Variants in LMO3 observed in about 807,000 individuals in gnomAD.
LMO3 encodes LIM domain only 3, also known as LIM domain only protein 3.
LMO3 carries 2 observed loss-of-function variants against 15.8 expected under a neutral mutation model. The observed-to-expected ratio is 0.13, with a 90% confidence interval of 0.05 to 0.40. The LOEUF is 0.40. LMO3 is among the 10% of genes least tolerant of loss of function. The probability of loss-of-function intolerance (pLI) is 0.99; values close to 1 mark genes in which losing one functional copy is unlikely to be tolerated. For synonymous variants in LMO3, 62 were observed against 63.8 expected (o/e 0.97, Z 0.13); for missense variants, 86 against 182.2 (o/e 0.47, Z 3.04).
chr12:16,554,147 T>TGA (rs1474187416), intron 3 of LMO3, among the ~76,000 whole-genome samples: 16 of 152,212 alleles, frequency 1.1e-4, no homozygotes, highest in Admixed American at 7.8e-4. Context: ...TGACTTCATA[T>TGA]AGTCTTAGAG....
In LMO3 at chr12:16,598,471, C is replaced by T. The variant is rs1943725192; in HGVS notation, c.206+2184G>A. ...GACCAATTTAAGCGGAAATCGTACT[C>T]TGAGAAATGAATATATTGGCAATCA... On this transcript the variant is annotated intron_variant, in intron 2 of 3. Transcript: ENST00000537304. The surrounding 1 kb of genome is among the most constrained non-coding windows in gnomAD (Gnocchi z 4.3). The T allele has an allele frequency of 6.6e-6, 1 of 152,016 alleles. No homozygotes were observed. The highest frequency in any genetic ancestry group is 2.4e-5 in the African/African-American group (1 of 41,394). 9.4% of individuals were successfully genotyped at this position (152,016 alleles called of 1,614,324 possible).
intron 3 of LMO3, among the ~76,000 whole-genome samples, chr12:16,554,570 C>T (rs1356088686): frequency 6.6e-6 from 1 of 152,190 alleles, no homozygotes; most frequent in Non-Finnish European, 1.5e-5. Context: ...CTGCTAACAA[C>T]CCTTAGTGTA....
intron 2 of LMO3, among the ~76,000 whole-genome samples, chr12:16,568,732 T>G (rs1257603898): frequency 6.6e-6 from 1 of 152,258 alleles, no homozygotes; most frequent in Non-Finnish European, 1.5e-5. Context: ...CTACTTTGGC[T>G]ACTAGAAATA....
At chr12:16,568,851 T>C (rs1490609683) in intron 2 of LMO3, among the ~76,000 whole-genome samples, 1 of 152,172 alleles carries the variant, frequency 6.6e-6, no homozygotes, top group African/African-American at 2.4e-5. Flanking sequence ...TTGAAACAAA[T>C]GGAGATCCAA....
rs1418484192 is a variant in LMO3, at chr12:16,585,172, T to C, written c.206+15483A>G. On this transcript the variant is annotated intron_variant, in intron 2 of 3. Coordinates refer to ENST00000537304, the MANE Select transcript of LMO3 (RefSeq NM_018640.5). This position sits in a 1 kb window ranked among gnomAD's most constrained non-coding sequence, Gnocchi z 4.7. ...TGCAAGCCCCAGTTCACAACGTTAT[T>C]TTTCCTTCCAGACTCCGGAACCTGG... is the stretch of plus-strand genomic sequence containing the variant. Among the ~76,000 whole-genome samples, 1 of 152,198 alleles carries C rather than the reference T, an allele frequency of 6.6e-6. No individual in the cohort carries two copies. The highest frequency in any genetic ancestry group is 2.4e-5 in the African/African-American group (1 of 41,458).
At chr12:16,561,795 T>C (rs1218023593) in intron 2 of LMO3, among the ~76,000 whole-genome samples, 1 of 152,220 alleles carries the variant, frequency 6.6e-6, no homozygotes, top group Non-Finnish European at 1.5e-5. Flanking sequence ...AAATGTGCAA[T>C]GAATGTTTAT....
At chr12:16,563,571 C>T (rs764271721) in intron 2 of LMO3, among the ~76,000 whole-genome samples, 5 of 152,008 alleles carry the variant, frequency 3.3e-5, no homozygotes, top group Admixed American at 6.6e-5. Context: ...TACTCATAAT[C>T]CTGATAATTC....
At position 16,586,719 on chromosome 12, in the gene LMO3, A is replaced by G. The variant is rs534046585; in HGVS notation, c.206+13936T>C. On this transcript the variant is annotated intron_variant, in intron 2 of 3. Coordinates refer to ENST00000537304, the MANE Select transcript of LMO3 (RefSeq NM_018640.5). This position sits in a 1 kb window ranked among gnomAD's most constrained non-coding sequence, Gnocchi z 4.3. Reference sequence around the variant, plus strand: ...TTTTGACCCCCCATTGCAGTAGATGATGTTTTTTTCCATTTCTCTGGTACT... The same window carrying G: ...TTTTGACCCCCCATTGCAGTAGATGGTGTTTTTTTCCATTTCTCTGGTACT... Among the ~76,000 whole-genome samples, 1 of 152,250 alleles carries G rather than the reference A, an allele frequency of 6.6e-6. No individual in the cohort carries two copies. The highest frequency in any genetic ancestry group is 2.4e-5 in the African/African-American group (1 of 41,562).
chr12:16,581,557 C>A (rs1183673084), intron 2 of LMO3, among the ~76,000 whole-genome samples: 2 of 152,134 alleles, frequency 1.3e-5, no homozygotes, highest in African/African-American at 2.4e-5. Flanking sequence ...TAGAGTAAAT[C>A]CTCAAGAAAT....
intron 2 of LMO3, among the ~76,000 whole-genome samples, chr12:16,566,866 G>A (rs940710512): frequency 1.3e-5 from 2 of 152,110 alleles, no homozygotes; most frequent in East Asian, 1.9e-4. Context: ...GGAAAGAGAA[G>A]AAGAATTAAG....
upstream of LMO3, chr12:16,607,073 G>C (rs946268473): frequency 1.3e-5 from 2 of 152,354 alleles, no homozygotes; most frequent in African/African-American, 4.8e-5. Context: ...TCGCTGGTCT[G>C]TCTGTGACTT....
Position 16,603,367 on chromosome 12 carries a change from A to AGTC in LMO3, c.-8-2502_-8-2500dup, listed in dbSNP as rs1379299260. On this transcript the variant is annotated intron_variant, in intron 1 of 3. Transcript: ENST00000537304. This position sits in a 1 kb window ranked among gnomAD's most constrained non-coding sequence, Gnocchi z 4.9. ...AATTGTAGCAAAAGAACTATTTTGT[A>AGTC]GTCACCATGTTACCGTGTACTTAAA... 6.6e-6 allele frequency among the ~76,000 whole-genome samples: 1 copy of AGTC among 152,220 alleles called. No homozygotes were observed. Among genetic ancestry groups the AGTC allele is most frequent in the Non-Finnish European group, 1.5e-5 (1 of 68,040 alleles).
At chr12:16,577,595 A>G (rs1943034190) in intron 2 of LMO3, among the ~76,000 whole-genome samples, 1 of 152,202 alleles carries the variant, frequency 6.6e-6, no homozygotes, top group Non-Finnish European at 1.5e-5. Context: ...CTGTTCACAA[A>G]ACGTTTGTGG....
Position 16,593,758 on chromosome 12 carries a change from C to A in LMO3, c.206+6897G>T, listed in dbSNP as rs1267564893. Among the ~76,000 whole-genome samples, 1 of 151,616 alleles carries A rather than the reference C, an allele frequency of 6.6e-6. No homozygotes were observed. Among genetic ancestry groups the A allele is most frequent in the Non-Finnish European group, 1.5e-5 (1 of 67,692 alleles). On this transcript the variant is annotated intron_variant, in intron 2 of 3. Coordinates refer to ENST00000537304, the MANE Select transcript of LMO3 (RefSeq NM_018640.5). The surrounding 1 kb of genome is among the most constrained non-coding windows in gnomAD (Gnocchi z 4.2). ...ATAATAAAGGGGGGAAAGGCATAAG[C>A]CAAAGGAATTGTTTTAAAGTTAGAA...
chr12:16,572,686 T>C (rs61145965), intron 2 of LMO3, among the ~76,000 whole-genome samples: 7,852 of 147,714 alleles, frequency 0.053, 680 homozygotes, highest in African/African-American at 0.18. Flanking sequence ...AGATTATATA[T>C]ATAATTTAAA....
rs1194099233 is a variant in LMO3, at chr12:16,576,074, T to G, written c.207-15536A>C. ...CTCTTTTGTCTCAGTAAGCTACTTC[T>G]AGCGCGCATCGCTTCTCCCTTGCAC... On this transcript the variant is annotated intron_variant, in intron 2 of 3. Coordinates refer to ENST00000537304, the MANE Select transcript of LMO3 (RefSeq NM_018640.5). The surrounding 1 kb of genome is among the most constrained non-coding windows in gnomAD (Gnocchi z 4.1). Among the ~76,000 whole-genome samples, 3 of 152,172 alleles carry G rather than the reference T, an allele frequency of 2.0e-5. No homozygotes were observed. Among genetic ancestry groups the G allele is most frequent in the African/African-American group, 7.2e-5 (3 of 41,448 alleles).
intron 2 of LMO3, among the ~76,000 whole-genome samples, chr12:16,566,217 A>G (rs1441811841): frequency 1.3e-5 from 2 of 151,310 alleles, no homozygotes; most frequent in East Asian, 4.0e-4. Context: ...AGGAGAAAGT[A>G]GCATAGTGAT....
chr12:16,601,304 T>G (rs921453315), intron 1 of LMO3, among the ~76,000 whole-genome samples: 1 of 152,194 alleles, frequency 6.6e-6, no homozygotes, highest in African/African-American at 2.4e-5. Flanking sequence ...GTTTAAAAAT[T>G]TCACTTAATA....
chr12:16,566,678 A>ATAATATTAATTATTAT (rs1490624886), intron 2 of LMO3, among the ~76,000 whole-genome samples: 1 of 152,140 alleles, frequency 6.6e-6, no homozygotes, highest in East Asian at 1.9e-4. Context: ...TATTTAGTTC[A>ATAATATTAATTATTAT]GCCTTTGTAA....
Sources: allele counts gnomAD v4.1 joint callset (sites outside exome capture counted in the v4.1 genomes callset), GRCh38; gene constraint gnomAD v4.1.1; non-coding constraint Gnocchi (gnomAD v3.1); transcripts MANE v1.5; gene names NCBI Gene and HGNC (gene_info 2026-07-23, HGNC 2026-07-21).